The following EDA2R variants were observed in gnomAD, a reference collection of about 807,000 sequenced individuals.
The protein encoded by EDA2R is ectodysplasin A2 receptor, also known as tumor necrosis factor receptor superfamily member 27.
EDA2R carries 26 observed loss-of-function variants against 20.1 expected under a neutral mutation model. That is an observed-to-expected ratio of 1.30 (90% confidence interval 0.95 to 1.80). The LOEUF (loss-of-function observed/expected upper bound fraction) is 1.80, where lower values mean the gene tolerates loss of function less well. Ranked by LOEUF, EDA2R falls within the 40% of genes most tolerant of loss-of-function variation. The pLI, the probability that EDA2R is intolerant of heterozygous loss-of-function variation, is 0.00. For synonymous variants in EDA2R, 114 were observed against 88.7 expected (o/e 1.29, Z -1.60); for missense variants, 277 against 228.7 (o/e 1.21, Z -1.36).
rs932668816 is a variant in EDA2R, at chrX:66,616,356, G to A, written c.-10-326C>T. On this transcript the variant is annotated intron_variant, in intron 1 of 6. Transcript: ENST00000374719. Reference sequence around the variant, plus strand: ...TTCACAGTCAGTGGCTATACCAGGAGCTGAATTTGTAAAGAGAGTAATAAG... The same window carrying A: ...TTCACAGTCAGTGGCTATACCAGGAACTGAATTTGTAAAGAGAGTAATAAG... 6.2e-5 allele frequency among the ~76,000 whole-genome samples: 7 copies of A among 112,422 alleles called. No homozygotes were observed. In the East Asian group the frequency reaches 1.7e-3, roughly 27 times the overall value.
rs778697792 is a variant in EDA2R, at chrX:66,602,187, C to T, written c.517+446G>A. ...TCATGACATGCTCTAGAATTTATAC[C>T]TACTAGTATAGATATAAAGAATTGG... On this transcript the variant is annotated intron_variant, in intron 5 of 6. Coordinates refer to ENST00000374719, the MANE Select transcript of EDA2R (RefSeq NM_021783.5). Among the ~76,000 whole-genome samples, 3 of 111,457 alleles carry T rather than the reference C, an allele frequency of 2.7e-5. No individual in the cohort carries two copies. The East Asian group carries it at 8.5e-4, about 32-fold the overall frequency.
At position 66,599,475 on chromosome X, in the gene EDA2R, T is replaced by C. The variant is rs1369131770; in HGVS notation, c.*9A>G. On this transcript the variant is annotated splice_region_variant and 3_prime_UTR_variant, in exon 6 of 7. Coordinates refer to ENST00000374719, the MANE Select transcript of EDA2R (RefSeq NM_021783.5). ...TTCTGATCCACCTTTCCAGCTCACC[T>C]CATTAGAGTTAAGGGCTGGGAACTT... 1.5e-5 allele frequency: 17 copies of C among 1,138,952 alleles called. No homozygotes were observed. Among genetic ancestry groups the C allele is most frequent in the Non-Finnish European group, 2.0e-5 (17 of 857,671 alleles). The allele number at this position is 1,138,952 out of a possible 1,213,427, so 93.9% of individuals were successfully genotyped here. A position where few individuals can be genotyped will look rare whatever the true frequency, so the allele number is the denominator to read the frequency against.
At chrX:66,637,701 C>T (rs1166051080) in intron 1 of EDA2R, among the ~76,000 whole-genome samples, 1 of 112,502 alleles carries the variant, frequency 8.9e-6, no homozygotes, top group East Asian at 2.8e-4. Context: ...GTGCCACAGT[C>T]TATCTTAAAT....
chrX:66,612,113 T>A (rs185617238), intron 2 of EDA2R, among the ~76,000 whole-genome samples: 1 of 111,339 alleles, frequency 9.0e-6, no homozygotes, highest in African/African-American at 3.3e-5. Context: ...CATAAAAACA[T>A]TCTCAGGCAA....
At chrX:66,600,259 G>A (rs1276203021) in intron 5 of EDA2R, among the ~76,000 whole-genome samples, 1 of 111,589 alleles carries the variant, frequency 9.0e-6, no homozygotes, top group Admixed American at 9.5e-5. Context: ...GAGAATCCTG[G>A]ATTACTCTAT....
chrX:66,635,353 C>A (rs1024567290), intron 1 of EDA2R, among the ~76,000 whole-genome samples: 2 of 112,286 alleles, frequency 1.8e-5, no homozygotes, highest in Admixed American at 1.9e-4. Context: ...GATGGTGAAA[C>A]TTACCCATAT....
intron 5 of EDA2R, among the ~76,000 whole-genome samples, chrX:66,601,076 C>G (rs926227466): frequency 1.2e-4 from 13 of 111,776 alleles, no homozygotes; most frequent in African/African-American, 4.2e-4. Flanking sequence ...AAACAGTTTT[C>G]CAAAGTAAGA....
intron 2 of EDA2R, among the ~76,000 whole-genome samples, chrX:66,614,221 G>T (rs1051624278): frequency 1.8e-5 from 2 of 111,511 alleles, no homozygotes; most frequent in African/African-American, 6.5e-5. Flanking sequence ...GATGCTTTGA[G>T]TTTTGCAATC....
intron 1 of EDA2R, among the ~76,000 whole-genome samples, chrX:66,618,785 G>A (rs929758793): frequency 6.4e-5 from 7 of 108,732 alleles, no homozygotes; most frequent in African/African-American, 2.5e-4. Flanking sequence ...AACAATAGTA[G>A]TAACCTCACA....
intron 1 of EDA2R, among the ~76,000 whole-genome samples, chrX:66,633,409 GA>G (rs1934030047): frequency 8.9e-6 from 1 of 111,795 alleles, no homozygotes; most frequent in African/African-American, 3.3e-5. Flanking sequence ...GATTTTGAGG[GA>G]AAACGTTCTT....
At chrX:66,630,260 C>G (rs1284603694) in intron 1 of EDA2R, among the ~76,000 whole-genome samples, 1 of 111,596 alleles carries the variant, frequency 9.0e-6, no homozygotes, top group Non-Finnish European at 1.9e-5. Context: ...ATTGAAAAAA[C>G]CCTTCGAGAC....
intron 1 of EDA2R, among the ~76,000 whole-genome samples, chrX:66,621,560 TTCAG>T (rs1407097418): frequency 1.8e-5 from 2 of 112,641 alleles, no homozygotes; most frequent in African/African-American, 3.2e-5. Flanking sequence ...ATGAAAATTA[TTCAG>T]TCAGAGAAAA....
At chrX:66,634,406 C>T (rs1244512395) in intron 1 of EDA2R, among the ~76,000 whole-genome samples, 1 of 111,092 alleles carries the variant, frequency 9.0e-6, no homozygotes, top group African/African-American at 3.3e-5. Flanking sequence ...TCCCAGTGGC[C>T]TTTTGCCCAG....
At chrX:66,635,063 T>C (rs1176277339) in intron 1 of EDA2R, among the ~76,000 whole-genome samples, 1 of 111,751 alleles carries the variant, frequency 8.9e-6, no homozygotes, top group Non-Finnish European at 1.9e-5. Context: ...CTTTTGGTGG[T>C]GTTTGGAAGA....
chrX:66,606,313 C>T (rs1452668974), intron 2 of EDA2R, among the ~76,000 whole-genome samples: 1 of 112,082 alleles, frequency 8.9e-6, no homozygotes, highest in Non-Finnish European at 1.9e-5. Flanking sequence ...GAAGTGGGGG[C>T]ATGTGCATCA....
intron 4 of EDA2R, among the ~76,000 whole-genome samples, chrX:66,603,281 C>G (rs1453406551): frequency 8.9e-6 from 1 of 112,183 alleles, no homozygotes; most frequent in Non-Finnish European, 1.9e-5. Context: ...ATAACAATAG[C>G]ATATATTGGT....
chrX:66,631,528 T>C (rs1933814942), intron 1 of EDA2R, among the ~76,000 whole-genome samples: 1 of 111,607 alleles, frequency 9.0e-6, no homozygotes, highest in Non-Finnish European at 1.9e-5. Context: ...ATGGAGGTCC[T>C]CCCAGTCTTC....
Position 66,596,235 on chromosome X carries a change from G to A in EDA2R, c.*1869C>T. 1 of 111,114 alleles carries A rather than the reference G, an allele frequency of 9.0e-6. No homozygotes were observed. Among genetic ancestry groups the A allele is most frequent in the Non-Finnish European group, 1.9e-5 (1 of 53,054 alleles). The allele number at this position is 111,114 out of a possible 1,213,427, so 9.2% of individuals were successfully genotyped here. A position where few individuals can be genotyped will look rare whatever the true frequency, so the allele number is the denominator to read the frequency against. ...GACACATAAAAGCACAGTGCTCAAAGAAATATGCCTCAGCATTGAAAAGTA... is the reference window on the plus strand; with the variant it reads ...GACACATAAAAGCACAGTGCTCAAAAAAATATGCCTCAGCATTGAAAAGTA... On this transcript the variant is annotated 3_prime_UTR_variant, in exon 7 of 7. Coordinates refer to ENST00000374719, the MANE Select transcript of EDA2R (RefSeq NM_021783.5).
At chrX:66,639,195 A>C (rs1187720972), upstream of EDA2R, 1 of 91,548 alleles carries the variant, frequency 1.1e-5, no homozygotes, top group African/African-American at 4.1e-5. Context: ...CTGCATACAC[A>C]CTCACAGTAT....
Sources: allele counts gnomAD v4.1 joint callset (sites outside exome capture counted in the v4.1 genomes callset), GRCh38; gene constraint gnomAD v4.1.1; transcripts MANE v1.5; gene names NCBI Gene and HGNC (gene_info 2026-07-23, HGNC 2026-07-21).